ARHGAP32: variants seen among roughly 807,000 people sequenced by gnomAD.
ARHGAP32 encodes the protein rho GTPase-activating protein 32.
In ARHGAP32, 51 loss-of-function variants were observed where a neutral mutation model predicts 186.5. The ratio of observed to expected loss-of-function variants is 0.27; its 90% CI spans 0.22 to 0.35. The LOEUF is 0.35. Ranked by LOEUF, ARHGAP32 falls within the 10% of genes least tolerant of loss-of-function variation. The probability of loss-of-function intolerance (pLI) is 1.00; values close to 1 mark genes in which losing one functional copy is unlikely to be tolerated. For missense variants in ARHGAP32, 2,186 were observed against 2,623.5 expected, an observed-to-expected ratio of 0.83 and a Z score of 3.64; for synonymous variants, 950 against 964.3, an observed-to-expected ratio of 0.99 and a Z score of 0.27.
intron 11 of ARHGAP32, among the ~76,000 whole-genome samples, chr11:129,018,160 G>T (rs913220629): frequency 6.6e-6 from 1 of 151,882 alleles, no homozygotes; most frequent in Non-Finnish European, 1.5e-5. Flanking sequence ...TGTATCCTTT[G>T]CAGTGACATA....
At chr11:129,124,187 T>C (rs1296812187) in intron 3 of ARHGAP32, among the ~76,000 whole-genome samples, 1 of 152,178 alleles carries the variant, frequency 6.6e-6, no homozygotes, top group Non-Finnish European at 1.5e-5. Flanking sequence ...ACAAAATTCA[T>C]TTATATTTCA....
chr11:129,193,102 C>T (rs1488752559), upstream of ARHGAP32, among the ~76,000 whole-genome samples: 2 of 151,924 alleles, frequency 1.3e-5, no homozygotes, highest in Admixed American at 6.6e-5. Context: ...AACTGCAAAG[C>T]CCTGACTTTC....
intron 11 of ARHGAP32, among the ~76,000 whole-genome samples, chr11:129,005,907 A>C (rs1937742087): frequency 6.6e-6 from 1 of 151,986 alleles, no homozygotes; most frequent in Non-Finnish European, 1.5e-5. Context: ...TATTTTCTAG[A>C]TCTTATAGGC....
At chr11:129,089,453 G>T (rs1348623649) in intron 6 of ARHGAP32, among the ~76,000 whole-genome samples, 1 of 152,222 alleles carries the variant, frequency 6.6e-6, no homozygotes, top group African/African-American at 2.4e-5. Context: ...GAAGCTACCA[G>T]ATGTAGCAAG....
chr11:129,002,843 C>T (rs1426474852), intron 11 of ARHGAP32, among the ~76,000 whole-genome samples: 2 of 127,370 alleles, frequency 1.6e-5, no homozygotes, highest in Non-Finnish European at 3.1e-5. Context: ...GAGTCTCGCT[C>T]TGTCACCCAG....
rs565600115 is a variant in ARHGAP32 at position 129,074,792 on chromosome 11, T to C, written c.532-7924A>G. Among the ~76,000 whole-genome samples the C allele has an allele frequency of 6.6e-5, 10 of 152,172 alleles. No individual in the cohort carries two copies. The East Asian group carries it at 1.9e-3, about 29-fold the overall frequency. On this transcript the variant is annotated intron_variant, in intron 6 of 22. Coordinates refer to ENST00000682385, the MANE Select transcript of ARHGAP32 (RefSeq NM_001378024.1). ...CAGGCATGAGCCACCACACCCGGCC[T>C]AAAAAAATTTTTTTTAATGTAATTG...
chr11:129,020,930 A>G (rs1197240680), intron 11 of ARHGAP32, among the ~76,000 whole-genome samples: 1 of 152,104 alleles, frequency 6.6e-6, no homozygotes, highest in African/African-American at 2.4e-5. Context: ...ACTGATGTAT[A>G]TAACAGCTGC....
chr11:129,168,366 C>A (rs868633249), intron 1 of ARHGAP32, among the ~76,000 whole-genome samples: 3 of 152,142 alleles, frequency 2.0e-5, no homozygotes, highest in African/African-American at 7.2e-5. Flanking sequence ...AGAAGGCTAG[C>A]GTAGCTATAT....
rs772973246 is a variant in ARHGAP32 at position 129,044,560 on chromosome 11, T to C, written c.964-3551A>G. Among the ~76,000 whole-genome samples, 37 of 152,228 alleles carry C rather than the reference T, an allele frequency of 2.4e-4. 1 individual carries two copies. Among genetic ancestry groups the C allele is most frequent in the Non-Finnish European group, 7.3e-5 (5 of 68,036 alleles). On this transcript the variant is annotated intron_variant, in intron 10 of 22. Coordinates refer to ENST00000682385, the MANE Select transcript of ARHGAP32 (RefSeq NM_001378024.1). ...TATCCCAGTATTTGGCTACCAGAAC[T>C]GCTAGAGGGCTCTAGCTCCTCCATC...
chr11:129,204,773 T>C (rs1337814616), intron 1 of ARHGAP32, among the ~76,000 whole-genome samples: 1 of 152,204 alleles, frequency 6.6e-6, no homozygotes, highest in Non-Finnish European at 1.5e-5. Context: ...TTTTCTCAAA[T>C]CACAAACATC....
intron 1 of ARHGAP32, among the ~76,000 whole-genome samples, chr11:129,177,672 A>G (rs1378023682): frequency 7.2e-5 from 11 of 152,164 alleles, no homozygotes; most frequent in South Asian, 2.1e-4. Context: ...TATAAACAGA[A>G]CCAAAGACAA....
intron 2 of ARHGAP32, among the ~76,000 whole-genome samples, chr11:129,142,455 T>C (rs916517125): frequency 6.6e-6 from 1 of 152,152 alleles, no homozygotes; most frequent in Non-Finnish European, 1.5e-5. Flanking sequence ...CAAGGCACCG[T>C]AGTCAAATAA....
intron 1 of ARHGAP32, among the ~76,000 whole-genome samples, chr11:129,174,548 C>A (rs1943860495): frequency 6.6e-6 from 1 of 152,202 alleles, no homozygotes; most frequent in Non-Finnish European, 1.5e-5. Flanking sequence ...CCCTGTCTGA[C>A]AGCTTTGAAG....
intron 1 of ARHGAP32, among the ~76,000 whole-genome samples, chr11:129,211,761 T>C (rs146020913): frequency 6.6e-6 from 1 of 152,298 alleles, no homozygotes; most frequent in East Asian, 1.9e-4. Flanking sequence ...GGCATTTACA[T>C]AAGAAAGAAA....
In ARHGAP32 at chr11:129,206,302, C is replaced by T. The variant is rs182838474; in HGVS notation, c.-4-41875G>A. Among the ~76,000 whole-genome samples the T allele has an allele frequency of 2.2e-3, 340 of 152,230 alleles. 1 individual carries two copies. The highest frequency in any genetic ancestry group is 7.7e-3 in the African/African-American group (320 of 41,526). ...TCATAACTCACTGCAGCATCAACCT[C>T]GTGGGCTTAAGGGATCCTTCTGCCT... On this transcript the variant is annotated intron_variant, in intron 1 of 6. Coordinates refer to the ARHGAP32 transcript ENST00000525234.
intron 2 of ARHGAP32, among the ~76,000 whole-genome samples, chr11:129,153,422 G>A (rs1252986841): frequency 6.6e-6 from 1 of 152,016 alleles, no homozygotes; most frequent in Admixed American, 6.5e-5. Flanking sequence ...AGCCCACATA[G>A]ACAAAGAAAG....
chr11:129,226,947 T>A (rs1339604581), intron 1 of ARHGAP32, among the ~76,000 whole-genome samples: 1 of 152,144 alleles, frequency 6.6e-6, no homozygotes, highest in Non-Finnish European at 1.5e-5. Context: ...CAGGTAAAGC[T>A]AACTACATAG....
At chr11:129,023,616 C>T (rs746908293) in intron 11 of ARHGAP32, among the ~76,000 whole-genome samples, 19 of 151,940 alleles carry the variant, frequency 1.3e-4, no homozygotes, top group South Asian at 4.2e-4. Context: ...TTCTTGAAAC[C>T]GACTGGGAAC....
chr11:128,993,524 T>A (rs1168720212), intron 12 of ARHGAP32, among the ~76,000 whole-genome samples: 1 of 151,736 alleles, frequency 6.6e-6, no homozygotes, highest in Non-Finnish European at 1.5e-5. Flanking sequence ...ATATAATATA[T>A]AATCATTTTT....
Sources: gnomAD v4.1 joint callset for allele counts (sites outside exome capture counted in the v4.1 genomes callset) on GRCh38, gnomAD v4.1.1 for gene constraint, MANE v1.5 for transcripts, NCBI Gene and HGNC (gene_info 2026-07-23, HGNC 2026-07-21) for gene names.